The following UACA variants were observed in gnomAD, a reference collection of about 807,000 sequenced individuals.
UACA encodes nuclear membrane binding protein.
In UACA, 112 loss-of-function variants were observed where a neutral mutation model predicts 160.5. The ratio of observed to expected loss-of-function variants is 0.70; its 90% confidence interval spans 0.60 to 0.82. UACA has a LOEUF of 0.82. Ranked by LOEUF, UACA falls within the 40% of genes least tolerant of loss-of-function variation. UACA has a pLI of 0.00. For missense variants in UACA, 1,574 were observed against 1,614.6 expected (o/e 0.97, Z 0.43); for synonymous variants, 557 against 568.4 (o/e 0.98, Z 0.29).
At chr15:70,763,573 G>A (rs1286011836), upstream of UACA, 3 of 1,224,960 alleles carry the variant, frequency 2.4e-6, no homozygotes, top group Non-Finnish European at 3.1e-6. Flanking sequence ...CTGAGGCGGG[G>A]CTCCCCTCCC....
In UACA at chr15:70,701,943, T is replaced by C. The variant is rs754934045; in HGVS notation, c.79-2283A>G. 3.7e-6 allele frequency: 6 copies of C among 1,612,272 alleles called. No homozygotes were observed. The African/African-American group carries it at 6.7e-5, about 18-fold the overall frequency. On this transcript the variant is annotated intron_variant, in intron 1 of 18. Transcript: ENST00000322954. ...ACAGGATTTAGTTTCTTGTTGCTAATGGCAAACTACTTTGCATTAAGTTAC... is the reference window on the plus strand; with the variant it reads ...ACAGGATTTAGTTTCTTGTTGCTAACGGCAAACTACTTTGCATTAAGTTAC...
chr15:70,738,679 T>A (rs1899439411), intron 1 of UACA, among the ~76,000 whole-genome samples: 1 of 152,168 alleles, frequency 6.6e-6, no homozygotes. Context: ...AACATGCTAT[T>A]CCCTCTATCT....
At chr15:70,776,710 C>T in the UACA span, among the ~76,000 whole-genome samples, 17 of 152,094 alleles carry the variant, frequency 1.1e-4, no homozygotes, top group African/African-American at 3.6e-4. Flanking sequence ...ATAACAGGCG[C>T]GAGCCACCAT....
At chr15:70,660,438 C>T (rs1896666910) in intron 17 of UACA, 1 of 498,470 alleles carries the variant, frequency 2.0e-6, no homozygotes, top group Non-Finnish European at 3.5e-6. Context: ...GCTACTTTCC[C>T]TAAGCAACAT....
In UACA at chr15:70,666,942, C is replaced by A; in HGVS notation, c.3742G>T (p.Ala1248Ser). 1 of 1,612,088 alleles carries A rather than the reference C, an allele frequency of 6.2e-7. No homozygotes were observed. Reference sequence around the variant, plus strand: ...TCCTCATACTTTCTATTCAGATTGGCCAATTTTTCATTTAAGCTAGAAATC... The same window carrying A: ...TCCTCATACTTTCTATTCAGATTGGACAATTTTTCATTTAAGCTAGAAATC... ...TQISSLNEKL[A>S]NLNRKYEEVC... Residue 1248 changes from alanine to serine, a missense_variant, in exon 16 of 19, where the codon GCC becomes TCC. Transcript: ENST00000322954.
rs564736890 is a variant in UACA, at chr15:70,666,972, T to A, written c.3712A>T (p.Thr1238Ser). 6 of 1,612,430 alleles carry A rather than the reference T, an allele frequency of 3.7e-6. No homozygotes were observed. Among genetic ancestry groups the A allele is most frequent in the Non-Finnish European group, 5.1e-6 (6 of 1,179,758 alleles). ...TTTTCATTTAAGCTAGAAATCTGTG[T>A]CTCCAAATCACTTTTTGTTGCTTTA... The part of the protein sequence containing the change: ...KYKATKSDLE[T>S]QISSLNEKLA... Residue 1238 changes from threonine to serine, a missense_variant, in exon 16 of 19, where the codon ACA (threonine) becomes TCA (serine). Coordinates refer to ENST00000322954, the MANE Select transcript of UACA (RefSeq NM_018003.4).
rs1410980591 is a variant in UACA, at chr15:70,722,911, C to T, written c.79-23251G>A. On this transcript the variant is annotated intron_variant, in intron 1 of 18. Coordinates refer to ENST00000322954, the MANE Select transcript of UACA (RefSeq NM_018003.4). The stretch of plus-strand genomic sequence containing the variant: ...ACTCAGAAGCACTAACTTATCATTA[C>T]TAAAAACATCTTTAAGAACCTATCT... Among the ~76,000 whole-genome samples the T allele has an allele frequency of 2.0e-5, 3 of 152,058 alleles. No homozygotes were observed. In the South Asian group the frequency reaches 6.2e-4, roughly 32 times the overall value.
intron 1 of UACA, among the ~76,000 whole-genome samples, chr15:70,762,135 G>C (rs1429159891): frequency 6.6e-6 from 1 of 151,868 alleles, no homozygotes; most frequent in East Asian, 1.9e-4. Flanking sequence ...CATCAATTAC[G>C]TCATCTGAAT....
chr15:70,767,254 A>C (rs559472415), upstream of UACA, among the ~76,000 whole-genome samples: 2 of 128,124 alleles, frequency 1.6e-5, no homozygotes, highest in East Asian at 3.9e-4. Context: ...AAAAAAAAAA[A>C]AACAAAAAAC....
At chr15:70,749,397 G>A (rs1899813517) in intron 1 of UACA, 1 of 185,854 alleles carries the variant, frequency 5.4e-6, no homozygotes. Flanking sequence ...GCGGTGGCGG[G>A]CGCCTGTAGT....
At chr15:70,682,542 A>G (rs1413306300) in intron 9 of UACA, among the ~76,000 whole-genome samples, 1 of 152,160 alleles carries the variant, frequency 6.6e-6, no homozygotes, top group Non-Finnish European at 1.5e-5. Flanking sequence ...GGATACCTTC[A>G]TTGAAACTGA....
At chr15:70,759,077 G>A (rs978819111) in intron 1 of UACA, among the ~76,000 whole-genome samples, 1 of 152,078 alleles carries the variant, frequency 6.6e-6, no homozygotes, top group African/African-American at 2.4e-5. Flanking sequence ...ATTTCACCAC[G>A]TTGCCCAGGC....
At chr15:70,769,630 T>C in the UACA span, among the ~76,000 whole-genome samples, 1 of 152,110 alleles carries the variant, frequency 6.6e-6, no homozygotes, top group Admixed American at 6.5e-5. Flanking sequence ...TTTCATCAAA[T>C]ATCCTTATAA....
At chr15:70,724,808 GA>G (rs200968122) in intron 1 of UACA, among the ~76,000 whole-genome samples, 3 of 133,450 alleles carry the variant, frequency 2.2e-5, no homozygotes, top group Non-Finnish European at 3.2e-5. Context: ...CACCAAGCCA[GA>G]AAAAAAAAGA....
chr15:70,754,292 T>C, intron 1 of UACA: 1 of 349,408 alleles, frequency 2.9e-6, no homozygotes, highest in Non-Finnish European at 5.7e-6. Context: ...AAAAGCTACA[T>C]GCATTCAGCA....
At position 70,699,510 on chromosome 15, in the gene UACA, T is replaced by C. The variant is rs776155399; in HGVS notation, c.212+17A>G. On this transcript the variant is annotated intron_variant, in intron 2 of 18. Transcript: ENST00000322954. ...CAAATTCCCTTCAGACATGCTTTTA[T>C]CATCAATAATACTTACACAGATCTG... 1.9e-6 allele frequency: 3 copies of C among 1,608,024 alleles called. No individual in the cohort carries two copies. The highest frequency in any genetic ancestry group is 2.5e-6 in the Non-Finnish European group (3 of 1,176,722).
intron 7 of UACA, among the ~76,000 whole-genome samples, chr15:70,686,945 A>G (rs1897746294): frequency 6.6e-6 from 1 of 152,210 alleles, no homozygotes; most frequent in Non-Finnish European, 1.5e-5. Flanking sequence ...TTCTGGATAG[A>G]AATTATTAGA....
chr15:70,723,568 T>G (rs1407161084), intron 1 of UACA, among the ~76,000 whole-genome samples: 1 of 152,090 alleles, frequency 6.6e-6, no homozygotes, highest in Non-Finnish European at 1.5e-5. Context: ...AGTACCAAGG[T>G]ACAGTGCTAC....
chr15:70,699,743 A>G, intron 1 of UACA, 83 bp from the exon 2 acceptor site: 5 of 1,483,636 alleles, frequency 3.4e-6, no homozygotes. Flanking sequence ...AGAGAAAGGA[A>G]AGCAGTACTG....
Sources: allele counts gnomAD v4.1 joint callset (sites outside exome capture counted in the v4.1 genomes callset), GRCh38; gene constraint gnomAD v4.1.1; transcripts MANE v1.5; gene names NCBI Gene and HGNC (gene_info 2026-07-23, HGNC 2026-07-21).